FLNB: variants seen among roughly 807,000 people sequenced by gnomAD.
The protein encoded by FLNB is filamin B.
In FLNB, 111 loss-of-function variants were observed where a neutral mutation model predicts 250.6. The ratio of observed to expected loss-of-function variants is 0.44; its 90% CI spans 0.38 to 0.52. The LOEUF (loss-of-function observed/expected upper bound fraction) is 0.52, where lower values mean the gene tolerates loss of function less well. Ranked by LOEUF, FLNB falls within the 20% of genes least tolerant of loss-of-function variation. The pLI, the probability that FLNB is intolerant of heterozygous loss-of-function variation, is 0.00. For missense variants in FLNB, 2,869 were observed against 3,447.8 expected, an observed-to-expected ratio of 0.83 and a Z score of 4.20; for synonymous variants, 1,302 against 1,372.1, an observed-to-expected ratio of 0.95 and a Z score of 1.13.
At chr3:58,028,308 G>T (rs1238759007) in intron 1 of FLNB, among the ~76,000 whole-genome samples, 1 of 152,186 alleles carries the variant, frequency 6.6e-6, no homozygotes, top group Non-Finnish European at 1.5e-5. Flanking sequence ...CGAACAGGCT[G>T]CAGGGGTTTA....
intron 23 of FLNB, 112 bp from the exon 24 acceptor site, chr3:58,126,490 T>C (rs1363339654): frequency 8.5e-6 from 8 of 940,590 alleles, no homozygotes; most frequent in Admixed American, 1.9e-5. Context: ...AGTAATTGAG[T>C]TGGGGTGGCT....
chr3:58,070,869 C>G (rs2097193382), intron 1 of FLNB, among the ~76,000 whole-genome samples: 1 of 151,680 alleles, frequency 6.6e-6, no homozygotes, highest in Non-Finnish European at 1.5e-5. Context: ...CCAGGATGGT[C>G]TTGAACTCCT....
intron 1 of FLNB, among the ~76,000 whole-genome samples, chr3:58,041,551 C>T (rs1006685864): frequency 3.9e-5 from 6 of 152,208 alleles, no homozygotes; most frequent in Admixed American, 2.6e-4. Context: ...ACCAGTGGGA[C>T]TAGCCCATGA....
chr3:58,169,020 T>C lies in FLNB; in HGVS notation c.7417+362T>C, dbSNP rs1016868157. On this transcript the variant is annotated intron_variant, in intron 44 of 45. Coordinates refer to ENST00000295956, the MANE Select transcript of FLNB (RefSeq NM_001457.4). This position sits in a 1 kb window ranked among gnomAD's most constrained non-coding sequence, Gnocchi z 4.8. Reference sequence around the variant, plus strand: ...TTTCCTATACTTATAAAAATGTGTCTCCTCCAAAACACTGGAAAAAATACC... The same window carrying C: ...TTTCCTATACTTATAAAAATGTGTCCCCTCCAAAACACTGGAAAAAATACC... The C allele has an allele frequency of 1.2e-5, 4 of 324,234 alleles. No individual in the cohort carries two copies. The highest frequency in any genetic ancestry group is 8.9e-5 in the Admixed American group (2 of 22,394). The allele number at this position is 324,234 out of a possible 1,614,324, so 20.1% of individuals were successfully genotyped here.
rs371783531 is a variant in FLNB, at chr3:58,066,300, A to T, written c.293-10746A>T. Among the ~76,000 whole-genome samples the T allele has an allele frequency of 7.4e-5, 11 of 148,600 alleles. No individual in the cohort carries two copies. In the East Asian group the frequency reaches 9.9e-4, roughly 13 times the overall value. Reference sequence around the variant, plus strand: ...AATGGCGAAATCTCGGCTCACCACAACCTCTACCTCCTGGGTTCAAGCTAT... The same window carrying T: ...AATGGCGAAATCTCGGCTCACCACATCCTCTACCTCCTGGGTTCAAGCTAT... On this transcript the variant is annotated intron_variant, in intron 1 of 45. Transcript: ENST00000295956.
chr3:58,060,064 A>AG (rs1559664438), intron 1 of FLNB, among the ~76,000 whole-genome samples: 1 of 152,244 alleles, frequency 6.6e-6, no homozygotes, highest in Non-Finnish European at 1.5e-5. Context: ...GTAAGGATTC[A>AG]GGGGGGTAAC....
At chr3:58,053,785 A>C (rs918670183) in intron 1 of FLNB, among the ~76,000 whole-genome samples, 6 of 152,050 alleles carry the variant, frequency 3.9e-5, no homozygotes, top group African/African-American at 1.4e-4. Flanking sequence ...TTTTTAAATG[A>C]AAGTGTGTTC....
intron 19 of FLNB, 53 bp from the exon 20 acceptor site, chr3:58,121,188 T>C (rs2097288222): frequency 6.2e-7 from 1 of 1,613,170 alleles, no homozygotes; most frequent in East Asian, 2.2e-5. Context: ...TCTGGATTGT[T>C]CCTGCTGCTG....
intron 18 of FLNB, among the ~76,000 whole-genome samples, chr3:58,112,650 CACACACACACACAT>C (rs1434280167): frequency 6.6e-6 from 1 of 151,808 alleles, no homozygotes; most frequent in Non-Finnish European, 1.5e-5. Flanking sequence ...CACACATGTG[CACACACACACACAT>C]ACACACACAC....
At chr3:58,136,283 C>T (rs1039090040) in intron 28 of FLNB, 115 bp downstream of exon 28, 30 of 970,570 alleles carry the variant, frequency 3.1e-5, no homozygotes, top group Admixed American at 2.8e-4. Flanking sequence ...CTCAACCTCA[C>T]TGAACTTCAG....
chr3:58,103,265 G>GGTGTGTGTGTGTGTGTGTGTGT (rs10571409), intron 9 of FLNB, among the ~76,000 whole-genome samples: 97 of 148,172 alleles, frequency 6.5e-4, no homozygotes, highest in Admixed American at 1.3e-3. Flanking sequence ...AGCCAAGGAG[G>GGTGTGTGTGTGTGTGTGTGTGT]GTGTGTGTGT....
At chr3:58,038,069 G>T (rs1291835383) in intron 1 of FLNB, among the ~76,000 whole-genome samples, 1 of 152,048 alleles carries the variant, frequency 6.6e-6, no homozygotes, top group Non-Finnish European at 1.5e-5. Context: ...CGCTCTTGTT[G>T]CCCAGGCTAG....
rs1559733829 is a variant in FLNB, at chr3:58,153,361, C to A, written c.6368-14C>A. On this transcript the variant is annotated splice_polypyrimidine_tract_variant and intron_variant, in intron 38 of 45. Transcript: ENST00000295956. ...TAACCCTCTTCTCTCCCCCAACCTC[C>A]CTCCCTCTTTCAGAAATCAACAGCA... 6.2e-7 allele frequency: 1 copy of A among 1,614,184 alleles called. No individual in the cohort carries two copies. Among genetic ancestry groups the A allele is most frequent in the Non-Finnish European group, 8.5e-7 (1 of 1,180,036 alleles).
intron 19 of FLNB, among the ~76,000 whole-genome samples, chr3:58,119,623 T>A (rs995187276): frequency 2.0e-5 from 3 of 152,242 alleles, no homozygotes; most frequent in Non-Finnish European, 2.9e-5. Context: ...ACTGATGTAC[T>A]TATCACTCAG....
chr3:58,078,595 A>G, intron 2 of FLNB, 122 bp from the exon 3 acceptor site: 2 of 1,520,050 alleles, frequency 1.3e-6, no homozygotes, highest in South Asian at 2.4e-5. Flanking sequence ...TGATTTGCTC[A>G]GATTTTAGGA....
At chr3:58,027,724 C>A (rs1576603273) in intron 1 of FLNB, among the ~76,000 whole-genome samples, 1 of 152,208 alleles carries the variant, frequency 6.6e-6, no homozygotes, top group African/African-American at 2.4e-5. Context: ...ACCACCTTTA[C>A]TATTTTGCCA....
At chr3:58,112,013 C>CTGATGCAGCAGTGGCTGG in intron 17 of FLNB, 132 bp downstream of exon 17, 1 of 1,163,426 alleles carries the variant, frequency 8.6e-7, no homozygotes, top group East Asian at 2.3e-5. Context: ...CTGTGCAGCT[C>CTGATGCAGCAGTGGCTGG]TGATGCAGCA....
At chr3:58,105,312 C>G in intron 11 of FLNB, 96 bp downstream of exon 11, 3 of 1,524,790 alleles carry the variant, frequency 2.0e-6, no homozygotes, top group Middle Eastern at 2.1e-4. Context: ...TGCCTAGCCT[C>G]AATACCTTTA....
chr3:58,076,871 C>T (rs1031121492), intron 1 of FLNB, among the ~76,000 whole-genome samples, 175 bp from the exon 2 acceptor site: 1 of 152,190 alleles, frequency 6.6e-6, no homozygotes, highest in African/African-American at 2.4e-5. Context: ...AATCATATTT[C>T]ATCTGTTTTT....
Sources: allele counts gnomAD v4.1 joint callset (sites outside exome capture counted in the v4.1 genomes callset), GRCh38; gene constraint gnomAD v4.1.1; non-coding constraint Gnocchi (gnomAD v3.1); transcripts MANE v1.5; gene names NCBI Gene and HGNC (gene_info 2026-07-23, HGNC 2026-07-21).